The following AJAP1 variants were observed in gnomAD, a reference collection of about 807,000 sequenced individuals.
AJAP1 encodes the protein adherens junction-associated protein 1.
In AJAP1, 5 loss-of-function variants were observed where a neutral mutation model predicts 35.0. The ratio of observed to expected loss-of-function variants is 0.14; its 90% CI spans 0.07 to 0.30. The LOEUF (loss-of-function observed/expected upper bound fraction) is 0.30. Among genes scored for constraint, AJAP1 ranks in the 10% least tolerant of loss-of-function variants. The probability of loss-of-function intolerance (pLI) is 1.00; values close to 1 mark genes in which losing one functional copy is unlikely to be tolerated. For missense variants in AJAP1, 586 were observed against 571.0 expected (o/e 1.03, Z -0.27); for synonymous variants, 284 against 249.3 (o/e 1.14, Z -1.31).
intron 5 of AJAP1, among the ~76,000 whole-genome samples, chr1:4,781,363 C>T (rs991109297): frequency 7.9e-5 from 12 of 152,190 alleles, no homozygotes; most frequent in Non-Finnish European, 8.8e-5. Context: ...TGAAAACCCA[C>T]GTTCACAAAC....
chr1:4,779,899 C>T (rs958972568), intron 5 of AJAP1, among the ~76,000 whole-genome samples: 1 of 152,052 alleles, frequency 6.6e-6, no homozygotes, highest in Non-Finnish European at 1.5e-5. Flanking sequence ...AATCCCAGCA[C>T]TTTGGGAGGC....
chr1:4,706,500 G>A (rs1253248491), intron 1 of AJAP1, among the ~76,000 whole-genome samples: 2 of 152,178 alleles, frequency 1.3e-5, no homozygotes, highest in Non-Finnish European at 2.9e-5. Flanking sequence ...GAGGAGTCAC[G>A]GGAAGTGGGT....
Position 4,783,426 on chromosome 1 carries a change from A to C in AJAP1, c.*941A>C. On this transcript the variant is annotated 3_prime_UTR_variant, in exon 6 of 6. Transcript: ENST00000378191. ...AGTGGCATCAAATGTGTGACTTACTATCTTGGGCCAGAACTAAGAATGCCA... is the reference window on the plus strand; with the variant it reads ...AGTGGCATCAAATGTGTGACTTACTCTCTTGGGCCAGAACTAAGAATGCCA... 7.1e-6 allele frequency: 1 copy of C among 141,226 alleles called. No individual in the cohort carries two copies. The highest frequency in any genetic ancestry group is 2.1e-4 in the East Asian group (1 of 4,728). 8.7% of individuals were successfully genotyped at this position (141,226 alleles called of 1,614,324 possible). A position where few individuals can be genotyped will look rare whatever the true frequency, so the allele number is the denominator to read the frequency against.
At chr1:4,755,805 G>A (rs1295741894) in intron 2 of AJAP1, among the ~76,000 whole-genome samples, 1 of 151,248 alleles carries the variant, frequency 6.6e-6, no homozygotes, top group Non-Finnish European at 1.5e-5. Flanking sequence ...GCAGCCAAGG[G>A]GTAGGGCGGG....
intron 1 of AJAP1, among the ~76,000 whole-genome samples, chr1:4,708,334 C>T (rs1461405788): frequency 3.3e-5 from 5 of 152,110 alleles, no homozygotes; most frequent in African/African-American, 9.7e-5. Flanking sequence ...TTCTGCCTGC[C>T]CCACAGCCTC....
chr1:4,717,362 A>G (rs1640417626), intron 2 of AJAP1, among the ~76,000 whole-genome samples: 1 of 152,148 alleles, frequency 6.6e-6, no homozygotes, highest in Non-Finnish European at 1.5e-5. Context: ...GCTCAGGCCA[A>G]TCCGCTGCTT....
At chr1:4,741,007 A>C (rs912055774) in intron 2 of AJAP1, among the ~76,000 whole-genome samples, 4 of 151,530 alleles carry the variant, frequency 2.6e-5, no homozygotes, top group African/African-American at 4.9e-5. Context: ...GAGCTGTCCG[A>C]CTCTGCAACT....
chr1:4,717,514 G>T (rs1250382071), intron 2 of AJAP1, among the ~76,000 whole-genome samples: 1 of 152,194 alleles, frequency 6.6e-6, no homozygotes, highest in East Asian at 1.9e-4. Context: ...AGGATGAGAT[G>T]GCTCAGATGT....
intron 1 of AJAP1, among the ~76,000 whole-genome samples, chr1:4,690,738 C>T (rs1184054487): frequency 6.6e-6 from 1 of 152,168 alleles, no homozygotes; most frequent in Non-Finnish European, 1.5e-5. Context: ...ACACGGTCCA[C>T]AGAGAGAGAA....
chr1:4,708,706 A>C (rs1023166192), intron 1 of AJAP1, among the ~76,000 whole-genome samples: 6 of 152,312 alleles, frequency 3.9e-5, no homozygotes, highest in African/African-American at 1.4e-4. Context: ...AGGTCCGGGC[A>C]GCACACCAAG....
rs1242431260 is a variant in AJAP1 at position 4,694,200 on chromosome 1, C to A, written c.30-17700C>A. Among the ~76,000 whole-genome samples the A allele has an allele frequency of 2.0e-5, 3 of 152,214 alleles. No homozygotes were observed. In the East Asian group the frequency reaches 5.8e-4, roughly 29 times the overall value. ...GGTGCCAGTCTGCACCCACTTCATG[C>A]CCTCAGCTCCTTTGCCGGGGGGGGA... On this transcript the variant is annotated intron_variant, in intron 1 of 5. Coordinates refer to ENST00000378191, the MANE Select transcript of AJAP1 (RefSeq NM_018836.4).
At chr1:4,752,063 C>T (rs573415443) in intron 2 of AJAP1, among the ~76,000 whole-genome samples, 3 of 151,830 alleles carry the variant, frequency 2.0e-5, no homozygotes, top group Admixed American at 6.6e-5. Context: ...GTATAGGGCT[C>T]AGGTGGGCGG....
chr1:4,772,239 G>T (rs1465334513), intron 3 of AJAP1, 41 bp from the exon 4 acceptor site: 2 of 1,609,596 alleles, frequency 1.2e-6, no homozygotes, highest in South Asian at 2.2e-5. Flanking sequence ...TGGGTTTCCG[G>T]CCTCTGCCCG....
rs548012687 is a variant in AJAP1 at position 4,749,861 on chromosome 1, C to T, written c.830-19992C>T. Among the ~76,000 whole-genome samples the T allele has an allele frequency of 5.9e-5, 9 of 152,116 alleles. No individual in the cohort carries two copies. The East Asian group carries it at 9.7e-4, about 16-fold the overall frequency. On this transcript the variant is annotated intron_variant, in intron 2 of 5. Transcript: ENST00000378191. The stretch of plus-strand genomic sequence containing the variant: ...GCCTGTGTGTTTGTCCATGCCCGTG[C>T]GTCTGTGTTTTTGTGTCCCTGTTTG...
intron 2 of AJAP1, among the ~76,000 whole-genome samples, chr1:4,757,650 G>A (rs767953420): frequency 3.3e-5 from 5 of 152,290 alleles, no homozygotes; most frequent in Non-Finnish European, 7.3e-5. Context: ...TGTCACAGGT[G>A]CACTTGCATG....
rs1450040303 is a variant in AJAP1 at position 4,720,341 on chromosome 1, C to G, written c.829+7642C>G. 6.6e-6 allele frequency among the ~76,000 whole-genome samples: 1 copy of G among 152,212 alleles called. No homozygotes were observed. The highest frequency in any genetic ancestry group is 2.4e-5 in the African/African-American group (1 of 41,450). On this transcript the variant is annotated intron_variant, in intron 2 of 5. Coordinates refer to ENST00000378191, the MANE Select transcript of AJAP1 (RefSeq NM_018836.4). This position sits in a 1 kb window ranked among gnomAD's most constrained non-coding sequence, Gnocchi z 4.4. ...GATGATGCAAAATAAAGGGAAAAAG[C>G]CTCCCTTTCCAGAAGTTTCTTTCAG...
In AJAP1 at chr1:4,751,111, G is replaced by C. The variant is rs142057112; in HGVS notation, c.830-18742G>C. Reference sequence around the variant, plus strand: ...AACCCCCAGTGCCTCTCGCTCCCCTGGCTGCCTTGGGAACCTACCTGGACA... The same window carrying C: ...AACCCCCAGTGCCTCTCGCTCCCCTCGCTGCCTTGGGAACCTACCTGGACA... On this transcript the variant is annotated intron_variant, in intron 2 of 5. Transcript: ENST00000378191. 2.7e-3 allele frequency among the ~76,000 whole-genome samples: 414 copies of C among 152,144 alleles called. 4 individuals carry two copies. The highest frequency in any genetic ancestry group is 6.9e-3 in the Admixed American group (105 of 15,286).
In AJAP1 at chr1:4,788,964, A is replaced by G. The variant is rs371014314; in HGVS notation, c.*6479A>G. 2.0e-5 allele frequency: 3 copies of G among 152,392 alleles called. No homozygotes were observed. The highest frequency in any genetic ancestry group is 6.5e-5 in the Admixed American group (1 of 15,306). The allele number at this position is 152,392 out of a possible 1,614,324, so 9.4% of individuals were successfully genotyped here. A position where few individuals can be genotyped will look rare whatever the true frequency, so the allele number is the denominator to read the frequency against. ...ATGGGCCTGTTTTGGAGCTAAAAGC[A>G]TAAAATGAATCCTCCCTGTAGCTCC... On this transcript the variant is annotated 3_prime_UTR_variant, in exon 6 of 6. Transcript: ENST00000378191.
intron 1 of AJAP1, among the ~76,000 whole-genome samples, chr1:4,700,600 C>T (rs1639965224): frequency 6.6e-6 from 1 of 152,212 alleles, no homozygotes; most frequent in Non-Finnish European, 1.5e-5. Context: ...GCGTCTTTTG[C>T]CAGTCTGTCC....
Sources: gnomAD v4.1 joint callset for allele counts (sites outside exome capture counted in the v4.1 genomes callset) on GRCh38, gnomAD v4.1.1 for gene constraint, Gnocchi (gnomAD v3.1) non-coding constraint, MANE v1.5 for transcripts, NCBI Gene and HGNC (gene_info 2026-07-23, HGNC 2026-07-21) for gene names.